Variants in IFNGR1 observed in about 807,000 individuals in gnomAD.
The protein encoded by IFNGR1 is AVP, type 2.
In IFNGR1, 23 loss-of-function variants were observed where a neutral mutation model predicts 35.4. The observed-to-expected ratio is 0.65, with a 90% confidence interval of 0.47 to 0.92. The LOEUF (loss-of-function observed/expected upper bound fraction) is 0.92. IFNGR1 is among the 40% of genes least tolerant of loss of function. The probability of loss-of-function intolerance (pLI) is 0.00; values close to 1 mark genes in which losing one functional copy is unlikely to be tolerated. For missense variants in IFNGR1, 533 were observed against 583.4 expected (o/e 0.91, Z 0.89); for synonymous variants, 199 against 209.5 (o/e 0.95, Z 0.43).
intron 1 of IFNGR1, among the ~76,000 whole-genome samples, chr6:137,212,801 A>G (rs943650749): frequency 5.9e-5 from 9 of 152,248 alleles, no homozygotes; most frequent in African/African-American, 2.2e-4. Flanking sequence ...AATTTAAGTA[A>G]AAGCCTGATA....
At position 137,198,575 on chromosome 6, in the gene IFNGR1, G is replaced by A. The variant is rs560014238; in HGVS notation, c.926C>T (p.Thr309Met). ...KPESKYVSLI[T>M]SYQPFSLEKE... is the part of the protein sequence containing the mutation. ...TTCTAAGGAAAATGGCTGGTATGAC[G>A]TGATGAGTGATACATATTTTGATTC... The change falls in exon 7 of 7, where the codon ACG (threonine) becomes ATG (methionine). Residue 309 changes from threonine (T) to methionine (M), a missense_variant. By Grantham distance (81) the Thr-to-Met change is moderately conservative. Coordinates refer to ENST00000367739, the MANE Select transcript of IFNGR1 (RefSeq NM_000416.3). The A allele has an allele frequency of 1.2e-5, 19 of 1,613,808 alleles. No individual in the cohort carries two copies. In the East Asian group the frequency reaches 2.0e-4, roughly 17 times the overall value.
chr6:137,197,962 T>C lies in IFNGR1; in HGVS notation c.*69A>G. 1 of 1,603,076 alleles carries C rather than the reference T, an allele frequency of 6.2e-7. No individual in the cohort carries two copies. Among genetic ancestry groups the C allele is most frequent in the Non-Finnish European group, 8.5e-7 (1 of 1,171,400 alleles). ...GATACAATTTCTGAGATCATAATCT[T>C]TTCATGAAATTAAAGCAGAAAACTG... On this transcript the variant is annotated 3_prime_UTR_variant, in exon 7 of 7. Coordinates refer to ENST00000367739, the MANE Select transcript of IFNGR1 (RefSeq NM_000416.3).
chr6:137,215,287 T>C, intron 1 of IFNGR1: 1 of 1,548,566 alleles, frequency 6.5e-7, no homozygotes, highest in African/African-American at 1.4e-5. Context: ...AAATTGGAAT[T>C]GGAGAAGACT....
chr6:137,200,749 TG>T, intron 6 of IFNGR1, 131 bp downstream of exon 6: 1 of 776,834 alleles, frequency 1.3e-6, no homozygotes, highest in African/African-American at 1.8e-5. Context: ...TTTGCATGTG[TG>T]GTAGACTGAC....
chr6:137,218,652 A>G (rs1779765751), intron 1 of IFNGR1: 4 of 377,126 alleles, frequency 1.1e-5, no homozygotes, highest in Admixed American at 3.2e-5. Context: ...ACGATGCCAC[A>G]TGCTGATCAG....
intron 1 of IFNGR1, among the ~76,000 whole-genome samples, chr6:137,208,319 G>A (rs2114494843): frequency 6.6e-6 from 1 of 152,360 alleles, no homozygotes; most frequent in South Asian, 2.1e-4. Flanking sequence ...AGAAATTCAA[G>A]CTGGCTGCAG....
In IFNGR1 at chr6:137,206,223, T is replaced by C. The variant is rs755616208; in HGVS notation, c.286A>G (p.Asn96Asp). The C allele has an allele frequency of 9.3e-6, 15 of 1,612,808 alleles. No individual in the cohort carries two copies. Among genetic ancestry groups the C allele is most frequent in the Middle Eastern group, 1.7e-4 (1 of 6,058 alleles). The change falls in exon 3 of 7, where the codon AAT (asparagine) becomes GAT (aspartate). Residue 96 changes from asparagine to aspartate, a missense_variant. Coordinates refer to ENST00000367739, the MANE Select transcript of IFNGR1 (RefSeq NM_000416.3). ...GCTTTAACTCTGACCCAAAGAGAAT[T>C]TGATGGATCACCAACATGATCAGAA... Reference protein sequence around the residue: ...NISDHVGDPSNSLWVRVKARV... With the variant: ...NISDHVGDPSDSLWVRVKARV...
rs144497319 is a variant in IFNGR1, at chr6:137,202,017, A to G, written c.734-1009T>C. ...TAGTTCTCTCTTCCAAATTAACAGC[A>G]CTCTAACATACTGTGACAATGTCCG... On this transcript the variant is annotated intron_variant, in intron 5 of 6. Coordinates refer to ENST00000367739, the MANE Select transcript of IFNGR1 (RefSeq NM_000416.3). Among the ~76,000 whole-genome samples the G allele has an allele frequency of 2.2e-3, 327 of 151,484 alleles. 2 individuals carry two copies. The highest frequency in any genetic ancestry group is 7.0e-3 in the African/African-American group (288 of 41,244).
chr6:137,215,992 GC>G (rs1779687603), intron 1 of IFNGR1, among the ~76,000 whole-genome samples: 1 of 152,142 alleles, frequency 6.6e-6, no homozygotes, highest in Non-Finnish European at 1.5e-5. Context: ...ATGAGCCACT[GC>G]CCCCAGCCTA....
At chr6:137,204,875 C>T (rs1274345837) in intron 3 of IFNGR1, among the ~76,000 whole-genome samples, 1 of 152,142 alleles carries the variant, frequency 6.6e-6, no homozygotes, top group Non-Finnish European at 1.5e-5. Flanking sequence ...AGCCTGGATT[C>T]TAAAAAACGT....
In IFNGR1 at chr6:137,202,600, T is replaced by TACACAC. The variant is rs1491444766; in HGVS notation, c.733+898_733+899insGTGTGT. On this transcript the variant is annotated intron_variant, in intron 5 of 6. Coordinates refer to ENST00000367739, the MANE Select transcript of IFNGR1 (RefSeq NM_000416.3). ...AAAATCCTAAGGAAAAAAATATATG[T>TACACAC]ATACACACACACACACACACACACA... is the stretch of plus-strand genomic sequence containing the variant. 2.4e-3 allele frequency among the ~76,000 whole-genome samples: 250 copies of TACACAC among 104,418 alleles called. 4 individuals carry two copies. The highest frequency in any genetic ancestry group is 0.023 in the Admixed American group (219 of 9,610). The allele number at this position is 104,418 out of a possible 152,430, so 68.5% of individuals were successfully genotyped here.
In IFNGR1 at chr6:137,219,378, C is replaced by T; in HGVS notation, c.-51G>A. ...AACCCCGAGCGCCTGCGGGACCAGC[C>T]CAGCACTGCCCTCCAGCCCCGGCCT... On this transcript the variant is annotated 5_prime_UTR_variant, in exon 1 of 7. Transcript: ENST00000367739. 3 of 1,566,900 alleles carry T rather than the reference C, an allele frequency of 1.9e-6. No homozygotes were observed. The highest frequency in any genetic ancestry group is 1.7e-6 in the Non-Finnish European group (2 of 1,155,894).
intron 1 of IFNGR1, 33 bp from the exon 2 acceptor site, chr6:137,207,110 T>G: frequency 6.2e-7 from 1 of 1,611,414 alleles, no homozygotes; most frequent in Non-Finnish European, 8.5e-7. Flanking sequence ...AAGGGACAAT[T>G]GTAAGAAACT....
At chr6:137,216,213 AG>A (rs1779693730) in intron 1 of IFNGR1, among the ~76,000 whole-genome samples, 1 of 152,258 alleles carries the variant, frequency 6.6e-6, no homozygotes, top group Non-Finnish European at 1.5e-5. Context: ...TCCTAAAGTC[AG>A]ATAATTAGTA....
chr6:137,204,618 T>C (rs1582635550), intron 3 of IFNGR1, 114 bp from the exon 4 acceptor site: 1 of 895,102 alleles, frequency 1.1e-6, no homozygotes, highest in East Asian at 2.6e-5. Context: ...CTGGTTGTTC[T>C]AAAGCAGGAC....
At chr6:137,214,081 A>G (rs1312992390) in intron 1 of IFNGR1, among the ~76,000 whole-genome samples, 1 of 152,252 alleles carries the variant, frequency 6.6e-6, no homozygotes, top group African/African-American at 2.4e-5. Flanking sequence ...GTCATCTGAC[A>G]CTACAACTCA....
intron 1 of IFNGR1, 21 bp downstream of exon 1, chr6:137,219,222 C>T (rs373651059): frequency 8.1e-6 from 13 of 1,598,182 alleles, no homozygotes; most frequent in Non-Finnish European, 1.1e-5. Context: ...CCGGCCGCAG[C>T]CCTGCCGCGA....
At chr6:137,199,982 C>T (rs1764853914) in intron 6 of IFNGR1, among the ~76,000 whole-genome samples, 1 of 152,082 alleles carries the variant, frequency 6.6e-6, no homozygotes, top group Non-Finnish European at 1.5e-5. Flanking sequence ...CCACTGTGTG[C>T]TTTTATTCTT....
chr6:137,206,036 T>C (rs1779419847), intron 3 of IFNGR1, 100 bp downstream of exon 3: 3 of 951,526 alleles, frequency 3.2e-6, no homozygotes, highest in Non-Finnish European at 5.1e-6. Context: ...TTCTTAAGCA[T>C]TGTGATAATT....
Sources: gnomAD v4.1 joint callset for allele counts (sites outside exome capture counted in the v4.1 genomes callset) on GRCh38, gnomAD v4.1.1 for gene constraint, MANE v1.5 for transcripts, NCBI Gene and HGNC (gene_info 2026-07-23, HGNC 2026-07-21) for gene names.